Variants in CCDC33 observed in about 807,000 individuals in gnomAD.
The protein encoded by CCDC33 is coiled-coil domain-containing protein 33.
In CCDC33, 94 loss-of-function variants were observed where a neutral mutation model predicts 91.9. That is an observed-to-expected ratio of 1.02 (90% CI 0.87 to 1.21). The LOEUF (loss-of-function observed/expected upper bound fraction) is 1.21, where lower values mean the gene tolerates loss of function less well. Among genes scored for constraint, CCDC33 ranks in the 50% most tolerant of loss-of-function variants. CCDC33 has a pLI of 0.00. For synonymous variants in CCDC33, 396 were observed against 374.5 expected (o/e 1.06, Z -0.66); for missense variants, 940 against 935.5 (o/e 1.00, Z -0.06).
At chr15:74,228,840 G>A (rs1050739008) in intron 2 of CCDC33, among the ~76,000 whole-genome samples, 15 of 152,216 alleles carry the variant, frequency 9.9e-5, no homozygotes, top group Non-Finnish European at 2.2e-4. Context: ...CGCTGCAAAT[G>A]CGATTTCATG....
chr15:74,308,384 C>CACACACACACAT (rs1380242946), intron 11 of CCDC33, among the ~76,000 whole-genome samples: 1 of 151,976 alleles, frequency 6.6e-6, no homozygotes, highest in Non-Finnish European at 1.5e-5. Context: ...CACACACACA[C>CACACACACACAT]ACATTTGGTG....
intron 2 of CCDC33, among the ~76,000 whole-genome samples, chr15:74,211,556 A>G (rs2074368979): frequency 6.6e-6 from 1 of 151,890 alleles, no homozygotes; most frequent in Non-Finnish European, 1.5e-5. Context: ...ATGCACCACC[A>G]TGCCCGGCTG....
intron 11 of CCDC33, among the ~76,000 whole-genome samples, chr15:74,317,771 G>T (rs573748041): frequency 6.6e-6 from 1 of 152,100 alleles, no homozygotes; most frequent in African/African-American, 2.4e-5. Flanking sequence ...AGGCAGGCAG[G>T]CCCCTCCATG....
chr15:74,287,818 CT>C (rs1381649720), intron 10 of CCDC33, among the ~76,000 whole-genome samples: 5 of 151,898 alleles, frequency 3.3e-5, no homozygotes, highest in Non-Finnish European at 5.9e-5. Flanking sequence ...TCAAAGGAAG[CT>C]TAGGATGGGG....
chr15:74,324,089 C>CAAAA (rs55758894), intron 11 of CCDC33, among the ~76,000 whole-genome samples: 13 of 72,090 alleles, frequency 1.8e-4, no homozygotes, highest in African/African-American at 4.0e-4. Context: ...GACTCCATCT[C>CAAAA]AAAAAAAAAA....
chr15:74,276,555 C>T (rs1341423812), intron 7 of CCDC33, among the ~76,000 whole-genome samples: 3 of 152,198 alleles, frequency 2.0e-5, no homozygotes, highest in Non-Finnish European at 2.9e-5. Flanking sequence ...TCCCCTCAGG[C>T]CCCTGCCATC....
At chr15:74,211,568 A>AT (rs1023832828) in intron 2 of CCDC33, among the ~76,000 whole-genome samples, 24 of 151,654 alleles carry the variant, frequency 1.6e-4, no homozygotes, top group African/African-American at 5.1e-4. Context: ...GCCCGGCTGA[A>AT]TTTTTTTGTA....
intron 2 of CCDC33, among the ~76,000 whole-genome samples, chr15:74,228,616 G>A (rs79165913): frequency 0.061 from 9,228 of 152,294 alleles, 331 homozygotes; most frequent in East Asian, 0.11. Context: ...TACCCCACCC[G>A]GAAGCCTGGT....
intron 10 of CCDC33, among the ~76,000 whole-genome samples, chr15:74,282,632 A>G (rs1193753925): frequency 6.6e-6 from 1 of 152,218 alleles, no homozygotes; most frequent in Non-Finnish European, 1.5e-5. Flanking sequence ...TAATCCCAGG[A>G]GTGATCAGTC....
intron 2 of CCDC33, among the ~76,000 whole-genome samples, chr15:74,255,540 C>A (rs1424982590): frequency 6.6e-6 from 1 of 152,260 alleles, no homozygotes; most frequent in Non-Finnish European, 1.5e-5. Flanking sequence ...CCCTCCCTCT[C>A]CTGTCGACTT....
chr15:74,272,839 C>T lies in CCDC33; in HGVS notation c.707C>T (p.Pro236Leu), dbSNP rs773075943. The T allele has an allele frequency of 1.1e-5, 17 of 1,614,110 alleles. No homozygotes were observed. The highest frequency in any genetic ancestry group is 1.7e-5 in the Admixed American group (1 of 60,012). The part of the protein sequence containing the change: ...LPITPLSFPI[P>L]SMMNFDVPRV... ...ATCACCCCACTGTCCTTCCCTATCC[C>T]GTCCATGATGAACTTTGACGTGCCT... Residue 236 changes from proline (P) to leucine (L), a missense_variant, in exon 7 of 19, where the codon CCG (proline) becomes CTG (leucine). Coordinates refer to ENST00000398814, the MANE Select transcript of CCDC33 (RefSeq NM_025055.5).
intron 11 of CCDC33, among the ~76,000 whole-genome samples, chr15:74,326,106 C>G (rs1202421773): frequency 1.3e-5 from 2 of 152,158 alleles, no homozygotes; most frequent in Non-Finnish European, 2.9e-5. Flanking sequence ...AGGAGGATCT[C>G]TTGAGGCTAG....
At chr15:74,251,108 A>G (rs2075694816) in intron 2 of CCDC33, among the ~76,000 whole-genome samples, 1 of 152,174 alleles carries the variant, frequency 6.6e-6, no homozygotes. Flanking sequence ...CATGGCCAGG[A>G]TGTAAGCTTT....
rs143246868 is a variant in CCDC33 at position 74,288,361 on chromosome 15, G to A, written c.1095+6512G>A. On this transcript the variant is annotated intron_variant, in intron 10 of 18. Transcript: ENST00000398814. ...TTGTAGCACTTGGTTTCTGATTCTT[G>A]TCCTGCTGATTGTCTCCTCTTGACA... Among the ~76,000 whole-genome samples, 1,019 of 152,240 alleles carry A rather than the reference G, an allele frequency of 6.7e-3. 12 individuals are homozygous for A. Among genetic ancestry groups the A allele is most frequent in the African/African-American group, 0.024 (977 of 41,520 alleles).
chr15:74,308,110 C>T (rs2059924909), intron 11 of CCDC33, among the ~76,000 whole-genome samples: 2 of 152,124 alleles, frequency 1.3e-5, no homozygotes, highest in Non-Finnish European at 2.9e-5. Flanking sequence ...ACCACTGACT[C>T]CTCACCCCAT....
intron 2 of CCDC33, among the ~76,000 whole-genome samples, chr15:74,231,162 C>G (rs1008625166): frequency 1.1e-4 from 16 of 152,194 alleles, no homozygotes; most frequent in African/African-American, 7.2e-5. Context: ...CTCCAGGATC[C>G]CACCCTGGCC....
At chr15:74,286,139 G>C (rs1471760206) in intron 10 of CCDC33, among the ~76,000 whole-genome samples, 1 of 152,140 alleles carries the variant, frequency 6.6e-6, no homozygotes, top group African/African-American at 2.4e-5. Context: ...CCAGCTACTT[G>C]GGAGGCTGAG....
At chr15:74,323,790 A>G (rs1485865873) in intron 11 of CCDC33, among the ~76,000 whole-genome samples, 1 of 151,604 alleles carries the variant, frequency 6.6e-6, no homozygotes, top group Non-Finnish European at 1.5e-5. Flanking sequence ...CAGCCTCCCA[A>G]AGTGCTGGGA....
At position 74,244,303 on chromosome 15, in the gene CCDC33, G is replaced by A. The variant is rs538278297; in HGVS notation, c.185+155G>A. 9.9e-5 allele frequency among the ~76,000 whole-genome samples: 15 copies of A among 152,240 alleles called. No individual in the cohort carries two copies. The highest frequency in any genetic ancestry group is 3.3e-4 in the Admixed American group (5 of 15,302). ...GCTGTGGGCACTACCTGGCATCTCCGCTGCTGCATGGGAAGCTGCTCACCA... is the reference window on the plus strand; with the variant it reads ...GCTGTGGGCACTACCTGGCATCTCCACTGCTGCATGGGAAGCTGCTCACCA... On this transcript the variant is annotated intron_variant, in intron 2 of 18. Coordinates refer to ENST00000398814, the MANE Select transcript of CCDC33 (RefSeq NM_025055.5). This position sits in a 1 kb window ranked among gnomAD's most constrained non-coding sequence, Gnocchi z 4.2.
Sources: allele counts gnomAD v4.1 joint callset (sites outside exome capture counted in the v4.1 genomes callset), GRCh38; gene constraint gnomAD v4.1.1; non-coding constraint Gnocchi (gnomAD v3.1); transcripts MANE v1.5; gene names NCBI Gene and HGNC (gene_info 2026-07-23, HGNC 2026-07-21).